MYO3B: variants seen among roughly 807,000 people sequenced by gnomAD.
MYO3B encodes the protein myosin IIIB.
A neutral mutation model predicts 174.6 loss-of-function variants in MYO3B; 156 were observed. That is an observed-to-expected ratio of 0.89 (90% confidence interval 0.78 to 1.02). MYO3B has a LOEUF of 1.02. Ranked by LOEUF, MYO3B falls within the 50% of genes least tolerant of loss-of-function variation. The pLI is 0.00. For missense variants in MYO3B, 1,632 were observed against 1,639.4 expected, an observed-to-expected ratio of 1.00 and a Z score of 0.08; for synonymous variants, 563 against 569.1, an observed-to-expected ratio of 0.99 and a Z score of 0.15.
intron 25 of MYO3B, among the ~76,000 whole-genome samples, chr2:170,482,159 CTTT>C (rs571671660): frequency 6.3e-5 from 9 of 143,818 alleles, no homozygotes; most frequent in Non-Finnish European, 9.1e-5. Flanking sequence ...AGTTCTCTCT[CTTT>C]TTTTTTTTTT....
intron 32 of MYO3B, among the ~76,000 whole-genome samples, chr2:170,595,782 C>T (rs1694108232): frequency 2.0e-5 from 3 of 152,162 alleles, no homozygotes; most frequent in Admixed American, 2.0e-4. Context: ...GGTCCTCCAG[C>T]TCCAAAGAGC....
intron 32 of MYO3B, among the ~76,000 whole-genome samples, chr2:170,635,051 T>C (rs561105581): frequency 1.3e-5 from 2 of 152,250 alleles, no homozygotes; most frequent in Admixed American, 1.3e-4. Context: ...GAAGACAGTG[T>C]GGCGATTCCT....
intron 16 of MYO3B, among the ~76,000 whole-genome samples, chr2:170,398,291 T>C (rs999175994): frequency 1.4e-5 from 2 of 147,028 alleles, no homozygotes; most frequent in Admixed American, 6.7e-5. Context: ...AAAATGCATA[T>C]GGCAAAGTAT....
chr2:170,233,836 T>C (rs1031020002), intron 6 of MYO3B, among the ~76,000 whole-genome samples: 9 of 152,282 alleles, frequency 5.9e-5, no homozygotes, highest in Middle Eastern at 6.8e-3. Context: ...ATACTAGTTT[T>C]CTATCACTGC....
At chr2:170,462,870 T>C (rs1462542974) in intron 23 of MYO3B, among the ~76,000 whole-genome samples, 1 of 152,020 alleles carries the variant, frequency 6.6e-6, no homozygotes, top group Non-Finnish European at 1.5e-5. Flanking sequence ...AGCTCCTATC[T>C]GCAATGAGCA....
intron 7 of MYO3B, among the ~76,000 whole-genome samples, chr2:170,238,958 A>G (rs1007766693): frequency 1.3e-5 from 2 of 152,196 alleles, no homozygotes; most frequent in Admixed American, 6.5e-5. Flanking sequence ...GTGACTCACA[A>G]TCTTTCCCAC....
intron 32 of MYO3B, among the ~76,000 whole-genome samples, chr2:170,555,242 C>T (rs1691204589): frequency 6.6e-6 from 1 of 152,122 alleles, no homozygotes; most frequent in Non-Finnish European, 1.5e-5. Flanking sequence ...TAGCATGGTT[C>T]ATTTATTACA....
rs1463909838 is a variant in MYO3B at position 170,543,985 on chromosome 2, C to G, written c.3730C>G (p.Pro1244Ala). 6.2e-7 allele frequency: 1 copy of G among 1,610,482 alleles called. No individual in the cohort carries two copies. Among genetic ancestry groups the G allele is most frequent in the Non-Finnish European group, 8.5e-7 (1 of 1,177,364 alleles). Residue 1244 changes from proline to alanine, a missense_variant, in exon 32 of 35, where the codon CCT (proline) becomes GCT (alanine). Coordinates refer to ENST00000408978, the MANE Select transcript of MYO3B (RefSeq NM_138995.5). Reference protein sequence around the residue: ...GLSLWGAPQKPGSENGLAQKH... With the variant: ...GLSLWGAPQKAGSENGLAQKH... ...GAGTCTCTGGGGAGCCCCTCAAAAG[C>G]CTGGTAAGAAGAACGTTTTGAATTG...
chr2:170,248,059 C>A (rs2093211442), intron 7 of MYO3B, among the ~76,000 whole-genome samples: 1 of 152,238 alleles, frequency 6.6e-6, no homozygotes, highest in Non-Finnish European at 1.5e-5. Context: ...GTTCCCAGCT[C>A]CCCCTCTTTC....
chr2:170,480,174 G>A (rs375718674), intron 25 of MYO3B, among the ~76,000 whole-genome samples: 162 of 152,182 alleles, frequency 1.1e-3, no homozygotes, highest in African/African-American at 3.8e-3. Flanking sequence ...AATGTTTGGT[G>A]TGTCAGGCCT....
At chr2:170,460,261 G>C (rs550208007) in intron 23 of MYO3B, among the ~76,000 whole-genome samples, 1 of 152,024 alleles carries the variant, frequency 6.6e-6, no homozygotes, top group Non-Finnish European at 1.5e-5. Context: ...AGGCCGAGGC[G>C]GGCGGATCTC....
At chr2:170,370,919 T>G (rs1393317890) in intron 9 of MYO3B, among the ~76,000 whole-genome samples, 1 of 151,822 alleles carries the variant, frequency 6.6e-6, no homozygotes, top group Non-Finnish European at 1.5e-5. Flanking sequence ...TCTTTTTTTT[T>G]CAAAAAGAAA....
chr2:170,359,773 C>T (rs574845302), intron 8 of MYO3B, among the ~76,000 whole-genome samples: 34 of 152,314 alleles, frequency 2.2e-4, no homozygotes, highest in Non-Finnish European at 1.3e-4. Context: ...TTATTTACTT[C>T]GTCTGCGCTA....
chr2:170,544,975 C>G (rs184841553), intron 32 of MYO3B, among the ~76,000 whole-genome samples: 1 of 152,026 alleles, frequency 6.6e-6, no homozygotes, highest in Admixed American at 6.5e-5. Flanking sequence ...ATTCATTATG[C>G]GAGAGTTTGG....
At chr2:170,422,032 G>A (rs1283795701) in intron 22 of MYO3B, among the ~76,000 whole-genome samples, 1 of 152,192 alleles carries the variant, frequency 6.6e-6, no homozygotes, top group Admixed American at 6.5e-5. Flanking sequence ...TACCTGAACT[G>A]GTACTTTGCA....
intron 7 of MYO3B, among the ~76,000 whole-genome samples, chr2:170,300,031 T>C (rs144644538): frequency 8.7e-4 from 133 of 152,314 alleles, no homozygotes; most frequent in African/African-American, 2.9e-3. Flanking sequence ...CTTGCAGCTT[T>C]TAAAAATACT....
chr2:170,549,795 A>G (rs1409782785), intron 32 of MYO3B, among the ~76,000 whole-genome samples: 1 of 152,220 alleles, frequency 6.6e-6, no homozygotes, highest in Non-Finnish European at 1.5e-5. Flanking sequence ...CAAGATCACT[A>G]TATCGGGCAA....
chr2:170,462,149 C>T (rs932461012), intron 23 of MYO3B, among the ~76,000 whole-genome samples: 2 of 152,194 alleles, frequency 1.3e-5, no homozygotes, highest in Non-Finnish European at 2.9e-5. Flanking sequence ...CCTCCTTTCC[C>T]ATTAGAAAAC....
At chr2:170,378,768 C>T (rs572937893) in intron 9 of MYO3B, among the ~76,000 whole-genome samples, 1 of 152,256 alleles carries the variant, frequency 6.6e-6, no homozygotes, top group South Asian at 2.1e-4. Flanking sequence ...GTCCATGCTT[C>T]CATTTTTAGT....
Sources: gnomAD v4.1 joint callset for allele counts (sites outside exome capture counted in the v4.1 genomes callset) on GRCh38, gnomAD v4.1.1 for gene constraint, MANE v1.5 for transcripts, NCBI Gene and HGNC (gene_info 2026-07-23, HGNC 2026-07-21) for gene names.